ASTN2: variants seen among roughly 807,000 people sequenced by gnomAD.
The protein encoded by ASTN2 is astrotactin 2.
A neutral mutation model predicts 139.8 loss-of-function variants in ASTN2; 54 were observed. The ratio of observed to expected loss-of-function variants is 0.39; its 90% confidence interval spans 0.31 to 0.48. The LOEUF (loss-of-function observed/expected upper bound fraction) is 0.48, where lower values mean the gene tolerates loss of function less well. Among genes scored for constraint, ASTN2 ranks in the 20% least tolerant of loss-of-function variants. ASTN2 has a pLI of 0.95. For missense variants in ASTN2, 1,565 were observed against 1,725.1 expected (o/e 0.91, Z 1.64); for synonymous variants, 756 against 719.5 (o/e 1.05, Z -0.81).
intron 19 of ASTN2, among the ~76,000 whole-genome samples, chr9:116,513,020 T>A (rs1850470204): frequency 6.6e-6 from 1 of 152,242 alleles, no homozygotes; most frequent in South Asian, 2.1e-4. Context: ...AATATTGTTA[T>A]GTGTGAGTTT....
intron 17 of ASTN2, among the ~76,000 whole-genome samples, chr9:116,645,402 T>A (rs1857538139): frequency 6.6e-6 from 1 of 152,108 alleles, no homozygotes; most frequent in Non-Finnish European, 1.5e-5. Context: ...CAAGGTATAA[T>A]CAAGGGCTCG....
At chr9:117,065,132 G>GA (rs1414539581) in intron 5 of ASTN2, among the ~76,000 whole-genome samples, 1 of 152,088 alleles carries the variant, frequency 6.6e-6, no homozygotes, top group Non-Finnish European at 1.5e-5. Context: ...TAGGAACTTC[G>GA]AGGATTGCTG....
chr9:116,427,357 C>G (rs1271767092), intron 22 of ASTN2, among the ~76,000 whole-genome samples: 3 of 152,296 alleles, frequency 2.0e-5, no homozygotes, highest in South Asian at 2.1e-4. Flanking sequence ...AGTTGAGAAC[C>G]ACTGACCTAG....
intron 19 of ASTN2, among the ~76,000 whole-genome samples, chr9:116,512,076 G>C (rs1357862853): frequency 6.6e-6 from 1 of 152,116 alleles, no homozygotes; most frequent in Non-Finnish European, 1.5e-5. Context: ...TGCTTCTCTA[G>C]TTCTTTAATT....
chr9:116,926,417 C>T (rs1834757170), intron 10 of ASTN2, among the ~76,000 whole-genome samples: 2 of 152,196 alleles, frequency 1.3e-5, no homozygotes, highest in African/African-American at 2.4e-5. Flanking sequence ...TTCATCTGCT[C>T]TTGTAGAAAC....
intron 16 of ASTN2, among the ~76,000 whole-genome samples, chr9:116,702,262 T>C (rs1484032642): frequency 6.6e-6 from 1 of 151,936 alleles, no homozygotes; most frequent in African/African-American, 2.4e-5. Context: ...CCTGGAATAT[T>C]CCATAAATGA....
chr9:116,918,194 G>A (rs554824320), intron 10 of ASTN2, among the ~76,000 whole-genome samples: 3 of 152,250 alleles, frequency 2.0e-5, no homozygotes, highest in African/African-American at 7.2e-5. Flanking sequence ...GTCTTTATCA[G>A]TAGCATATAT....
chr9:116,675,425 T>C (rs1859445887), intron 16 of ASTN2, among the ~76,000 whole-genome samples: 1 of 152,124 alleles, frequency 6.6e-6, no homozygotes, highest in Non-Finnish European at 1.5e-5. Flanking sequence ...TCCACCATGG[T>C]GTGTCTGCAT....
intron 16 of ASTN2, chr9:116,687,304 T>C: frequency 1.0e-6 from 1 of 982,214 alleles, no homozygotes; most frequent in African/African-American, 1.8e-5. Context: ...CGGCAAGGGG[T>C]GCTCAACGGC....
intron 19 of ASTN2, among the ~76,000 whole-genome samples, chr9:116,542,572 C>T (rs867108572): frequency 6.6e-5 from 10 of 152,160 alleles, no homozygotes; most frequent in Non-Finnish European, 1.5e-4. Context: ...AAATAGATTA[C>T]ATTTTGGAGT....
At position 117,103,400 on chromosome 9, in the gene ASTN2, G is replaced by A. The variant is rs144530971; in HGVS notation, c.1169-7249C>T. Among the ~76,000 whole-genome samples, 1,094 of 152,244 alleles carry A rather than the reference G, an allele frequency of 7.2e-3. 5 individuals are homozygous for A. Among genetic ancestry groups the A allele is most frequent in the Non-Finnish European group, 0.012 (826 of 68,026 alleles). On this transcript the variant is annotated intron_variant, in intron 4 of 22. Transcript: ENST00000313400. Reference sequence around the variant, plus strand: ...TTCCCCTAGATGGCATAGATATTTGGTGGTAAACTAGGAATTTGACCCCAG... The same window carrying A: ...TTCCCCTAGATGGCATAGATATTTGATGGTAAACTAGGAATTTGACCCCAG...
chr9:116,856,057 G>A (rs1230108013), intron 11 of ASTN2, among the ~76,000 whole-genome samples: 2 of 152,200 alleles, frequency 1.3e-5, no homozygotes, highest in South Asian at 4.2e-4. Context: ...AGACACCATG[G>A]GGGCGATATG....
intron 16 of ASTN2, among the ~76,000 whole-genome samples, chr9:116,683,665 C>A (rs577592487): frequency 1.3e-5 from 2 of 152,130 alleles, no homozygotes; most frequent in African/African-American, 2.4e-5. Flanking sequence ...TAGCATATTT[C>A]TTTAGAGTTA....
chr9:116,923,259 T>C (rs1262214941), intron 10 of ASTN2, among the ~76,000 whole-genome samples: 5 of 152,230 alleles, frequency 3.3e-5, no homozygotes, highest in African/African-American at 4.8e-5. Context: ...TAATCACTTC[T>C]AACATCTGGA....
At chr9:116,968,860 C>G (rs931250015) in intron 10 of ASTN2, among the ~76,000 whole-genome samples, 9 of 148,538 alleles carry the variant, frequency 6.1e-5, no homozygotes, top group African/African-American at 2.0e-4. Context: ...GATGGCACCA[C>G]TGCACTCCAG....
intron 7 of ASTN2, among the ~76,000 whole-genome samples, chr9:117,006,814 T>G (rs1837366014): frequency 6.6e-6 from 1 of 152,084 alleles, no homozygotes; most frequent in South Asian, 2.1e-4. Flanking sequence ...CCACTACTAG[T>G]GCTAAATAAA....
At chr9:116,453,565 G>A (rs1848237572) in intron 20 of ASTN2, among the ~76,000 whole-genome samples, 2 of 116,576 alleles carry the variant, frequency 1.7e-5, no homozygotes, top group Non-Finnish European at 3.2e-5. Flanking sequence ...TTGCACTCCA[G>A]CCTGGGCAAA....
chr9:116,462,419 C>T (rs946261053), intron 20 of ASTN2, among the ~76,000 whole-genome samples: 2 of 152,180 alleles, frequency 1.3e-5, no homozygotes, highest in Non-Finnish European at 2.9e-5. Context: ...TTCTGCCATG[C>T]TACATCTCAA....
chr9:116,818,806 C>T (rs115737014), intron 12 of ASTN2, among the ~76,000 whole-genome samples: 1,568 of 152,212 alleles, frequency 0.01, 40 homozygotes, highest in African/African-American at 0.036. Context: ...TTACTATTAT[C>T]CCTGTTTTAC....
Sources: allele counts gnomAD v4.1 joint callset (sites outside exome capture counted in the v4.1 genomes callset), GRCh38; gene constraint gnomAD v4.1.1; transcripts MANE v1.5; gene names NCBI Gene and HGNC (gene_info 2026-07-23, HGNC 2026-07-21).